The following LINGO2 variants were observed in gnomAD, a reference collection of about 807,000 sequenced individuals.
LINGO2 encodes the protein leucine rich repeat and Ig domain containing 2, also known as leucine-rich repeat and immunoglobulin-like domain-containing nogo receptor-interacting protein 2.
LINGO2 carries 14 observed loss-of-function variants against 30.6 expected under a neutral mutation model. The ratio of observed to expected loss-of-function variants is 0.46; its 90% CI spans 0.30 to 0.72. The LOEUF is 0.72. Ranked by LOEUF, LINGO2 falls within the 30% of genes least tolerant of loss-of-function variation. The probability of loss-of-function intolerance (pLI) is 0.07; values close to 1 mark genes in which losing one functional copy is unlikely to be tolerated. For synonymous variants in LINGO2, 317 were observed against 288.5 expected (o/e 1.10, Z -1.00); for missense variants, 729 against 751.7 (o/e 0.97, Z 0.35).
chr9:28,014,513 T>G (rs61011887), intron 4 of LINGO2, among the ~76,000 whole-genome samples: 5,500 of 152,278 alleles, frequency 0.036, 141 homozygotes, highest in African/African-American at 0.073. Flanking sequence ...TGAGAAATGA[T>G]AAGCAACTTC....
At chr9:28,990,417 C>A in the LINGO2 span, among the ~76,000 whole-genome samples, 1 of 152,228 alleles carries the variant, frequency 6.6e-6, no homozygotes, top group Non-Finnish European at 1.5e-5. Flanking sequence ...GGCTCCACCT[C>A]TGGGGGCAGG....
the LINGO2 span, among the ~76,000 whole-genome samples, chr9:28,755,174 G>T: frequency 6.6e-6 from 1 of 151,962 alleles, no homozygotes; most frequent in Non-Finnish European, 1.5e-5. Context: ...CTTTTTATTA[G>T]AATAAATTAC....
chr9:28,629,211 C>T (rs1826820820), intron 1 of LINGO2, among the ~76,000 whole-genome samples: 1 of 151,984 alleles, frequency 6.6e-6, no homozygotes, highest in Non-Finnish European at 1.5e-5. Context: ...GGGTGATGTG[C>T]CGCTCCTGCT....
chr9:28,917,310 T>A, the LINGO2 span, among the ~76,000 whole-genome samples: 1 of 152,196 alleles, frequency 6.6e-6, no homozygotes, highest in Non-Finnish European at 1.5e-5. Context: ...TTCCAACATG[T>A]TAAGAGGCCT....
intron 3 of LINGO2, among the ~76,000 whole-genome samples, chr9:28,302,689 C>T (rs1230330743): frequency 6.6e-6 from 1 of 152,040 alleles, no homozygotes; most frequent in Non-Finnish European, 1.5e-5. Flanking sequence ...ATATTATAAC[C>T]CCTTTCAGCA....
the LINGO2 span, among the ~76,000 whole-genome samples, chr9:28,918,696 G>A: frequency 1.4e-4 from 21 of 152,214 alleles, no homozygotes; most frequent in East Asian, 3.9e-4. Context: ...ATATTTCAAC[G>A]TATGCGGAAT....
At chr9:28,828,664 G>A in the LINGO2 span, among the ~76,000 whole-genome samples, 2 of 151,734 alleles carry the variant, frequency 1.3e-5, no homozygotes, top group Non-Finnish European at 2.9e-5. Flanking sequence ...AATTACTTGT[G>A]ACTGACTAAG....
At chr9:28,617,720 T>C (rs1826202786) in intron 1 of LINGO2, among the ~76,000 whole-genome samples, 1 of 151,756 alleles carries the variant, frequency 6.6e-6, no homozygotes, top group Non-Finnish European at 1.5e-5. Context: ...CCTGTTTTCA[T>C]CTTTACTTTT....
intron 4 of LINGO2, among the ~76,000 whole-genome samples, chr9:28,117,799 C>T (rs1339294719): frequency 6.6e-6 from 1 of 151,170 alleles, no homozygotes; most frequent in Non-Finnish European, 1.5e-5. Flanking sequence ...CACTGGCCTG[C>T]GCCCACTGTC....
chr9:28,930,080 A>AC, the LINGO2 span, among the ~76,000 whole-genome samples: 4 of 151,976 alleles, frequency 2.6e-5, no homozygotes, highest in Non-Finnish European at 5.9e-5. The surrounding 1 kb of genome is among the most constrained non-coding windows in gnomAD (Gnocchi z 4.2). Context: ...TCCCTGCTCT[A>AC]CCCCTTTTCA....
the LINGO2 span, among the ~76,000 whole-genome samples, chr9:28,901,947 T>C: frequency 6.6e-6 from 1 of 152,154 alleles, no homozygotes; most frequent in African/African-American, 2.4e-5. Context: ...TCCAGTATTT[T>C]GGGAGGCCAA....
Position 28,540,379 on chromosome 9 carries a change from G to A in LINGO2, c.-364-64354C>T, listed in dbSNP as rs148268537. Among the ~76,000 whole-genome samples, 530 of 151,706 alleles carry A rather than the reference G, an allele frequency of 3.5e-3. 2 individuals are homozygous for A. Among genetic ancestry groups the A allele is most frequent in the African/African-American group, 0.012 (484 of 41,320 alleles). On this transcript the variant is annotated intron_variant, in intron 1 of 5. Coordinates refer to ENST00000379992, the Ensembl canonical transcript of LINGO2. Reference sequence around the variant, plus strand: ...AGGCTCAGGCGTTCCTCCCATCTCAGCCTCCCAAGTAGCTGGGACTACAGG... The same window carrying A: ...AGGCTCAGGCGTTCCTCCCATCTCAACCTCCCAAGTAGCTGGGACTACAGG...
chr9:28,741,315 C>T, the LINGO2 span, among the ~76,000 whole-genome samples: 6 of 151,922 alleles, frequency 3.9e-5, no homozygotes, highest in Admixed American at 2.0e-4. Context: ...CCTAAAAATT[C>T]GGCTGTGTGG....
the LINGO2 span, among the ~76,000 whole-genome samples, chr9:29,090,788 T>A: frequency 6.6e-6 from 1 of 151,978 alleles, no homozygotes; most frequent in South Asian, 2.1e-4. Context: ...TATTTATCCT[T>A]GATTTGATTA....
At chr9:28,424,191 G>A (rs1823313689) in intron 2 of LINGO2, among the ~76,000 whole-genome samples, 6 of 152,098 alleles carry the variant, frequency 3.9e-5, no homozygotes, top group Admixed American at 3.9e-4. Context: ...CCTTCATGAA[G>A]AGGAGGAATC....
chr9:28,762,661 G>C, the LINGO2 span, among the ~76,000 whole-genome samples: 3 of 151,986 alleles, frequency 2.0e-5, no homozygotes, highest in Admixed American at 6.6e-5. Flanking sequence ...AACATCTCTT[G>C]ATCTCAACCC....
chr9:29,044,387 C>T, the LINGO2 span, among the ~76,000 whole-genome samples: 3 of 151,884 alleles, frequency 2.0e-5, no homozygotes, highest in Admixed American at 6.6e-5. Context: ...ATAGCAATAA[C>T]CACAGCTCCA....
chr9:29,178,477 T>C, the LINGO2 span, among the ~76,000 whole-genome samples: 3 of 152,150 alleles, frequency 2.0e-5, no homozygotes, highest in African/African-American at 7.2e-5. Flanking sequence ...CATGTTATCA[T>C]TGTACTAAGC....
the LINGO2 span, among the ~76,000 whole-genome samples, chr9:28,872,053 CTCAAACT>C: frequency 6.6e-6 from 1 of 151,784 alleles, no homozygotes; most frequent in Non-Finnish European, 1.5e-5. Context: ...TGCCTTTAAC[CTCAAACT>C]TCAAAATCAT....
Sources: allele counts gnomAD v4.1 joint callset (sites outside exome capture counted in the v4.1 genomes callset), GRCh38; gene constraint gnomAD v4.1.1; non-coding constraint Gnocchi (gnomAD v3.1); transcripts MANE v1.5; gene names NCBI Gene and HGNC (gene_info 2026-07-23, HGNC 2026-07-21).